The following ASPHD1 variants were observed in gnomAD, a reference collection of about 807,000 sequenced individuals.
ASPHD1 encodes aspartate beta-hydroxylase domain containing 1, also known as aspartate beta-hydroxylase domain-containing protein 1.
In ASPHD1, 20 loss-of-function variants were observed where a neutral mutation model predicts 28.3. The ratio of observed to expected loss-of-function variants is 0.71; its 90% CI spans 0.50 to 1.03. ASPHD1 has a LOEUF of 1.03. Among genes scored for constraint, ASPHD1 ranks in the 50% least tolerant of loss-of-function variants. The pLI is 0.00. For synonymous variants in ASPHD1, 240 were observed against 221.2 expected (o/e 1.08, Z -0.75); for missense variants, 479 against 524.1 (o/e 0.91, Z 0.84).
downstream of ASPHD1, among the ~76,000 whole-genome samples, chr16:29,909,444 G>C (rs1419227675): frequency 6.6e-6 from 1 of 152,196 alleles, no homozygotes; most frequent in East Asian, 1.9e-4. Flanking sequence ...GTGTACCTGA[G>C]GCATGTGGCT....
intron 2 of ASPHD1, 91 bp from the exon 3 acceptor site, chr16:29,905,697 T>C: frequency 1.3e-6 from 1 of 764,208 alleles, no homozygotes; most frequent in East Asian, 2.7e-5. Context: ...TGCCACTTAT[T>C]TACTGTTTGC....
At chr16:29,912,086 A>G in intron 3 of ASPHD1, 1 of 1,406,992 alleles carries the variant, frequency 7.1e-7, no homozygotes, top group Non-Finnish European at 9.9e-7. Flanking sequence ...CAGCACAACC[A>G]AAGGCCACGT....
Position 29,901,760 on chromosome 16 carries a change from C to T in ASPHD1, c.789C>T (p.Ser263=). Residue 263 remains serine (S), a synonymous_variant, in exon 1 of 3, where the codon AGC becomes AGT. Transcript: ENST00000308748. The surrounding 1 kb of genome is among the most constrained non-coding windows in gnomAD (Gnocchi z 5.1). ...LLYQAGRCQP[S]NCRRCPGAYR... ...ACCAAGCAGGCCGGTGCCAACCCAGCAACTGCCGCCGGTGCCCGGGGGCCT... is the reference window on the plus strand; with the variant it reads ...ACCAAGCAGGCCGGTGCCAACCCAGTAACTGCCGCCGGTGCCCGGGGGCCT... 6.5e-7 allele frequency: 1 copy of T among 1,550,074 alleles called. No individual in the cohort carries two copies. The highest frequency in any genetic ancestry group is 8.7e-7 in the Non-Finnish European group (1 of 1,148,048).
intron 3 of ASPHD1, among the ~76,000 whole-genome samples, chr16:29,915,947 T>A (rs575589213): frequency 6.6e-6 from 1 of 152,330 alleles, no homozygotes; most frequent in East Asian, 1.9e-4. Flanking sequence ...AATTTCAGGC[T>A]CTTTTTCATT....
chr16:29,911,441 A>G (rs1022926084), intron 3 of ASPHD1: 3 of 557,230 alleles, frequency 5.4e-6, no homozygotes, highest in South Asian at 2.4e-5. Context: ...TGGTGTCCCC[A>G]TTTTTTAACT....
downstream of ASPHD1, among the ~76,000 whole-genome samples, chr16:29,907,850 G>A (rs545396227): frequency 1.3e-5 from 2 of 151,576 alleles, no homozygotes; most frequent in South Asian, 4.2e-4. Flanking sequence ...TTTAGGAAAC[G>A]ATATAAGCTG....
rs1368286672 is a variant in ASPHD1, at chr16:29,900,964, G to A, written c.-8G>A. On this transcript the variant is annotated 5_prime_UTR_variant, in exon 1 of 3. Transcript: ENST00000308748. The stretch of plus-strand genomic sequence containing the variant: ...GGGAGAGAAAGGAGAGAGGAGGGTT[G>A]GAGGTGCATGAAGGAGGGGAGAGGG... 6.4e-7 allele frequency: 1 copy of A among 1,551,402 alleles called. No individual in the cohort carries two copies. Among genetic ancestry groups the A allele is most frequent in the African/African-American group, 1.4e-5 (1 of 73,060 alleles).
intron 3 of ASPHD1, chr16:29,913,681 T>G (rs1209940280): frequency 6.6e-6 from 1 of 151,930 alleles, no homozygotes; most frequent in African/African-American, 2.4e-5. Context: ...AGCTTGTTCA[T>G]GTGGCTGGCA....
chr16:29,901,903 G>A lies in ASPHD1; in HGVS notation c.932G>A (p.Arg311Gln), dbSNP rs1301738979. The A allele has an allele frequency of 6.7e-7, 1 of 1,500,536 alleles. No individual in the cohort carries two copies. Among genetic ancestry groups the A allele is most frequent in the Non-Finnish European group, 8.9e-7 (1 of 1,128,328 alleles). 93.0% of individuals were successfully genotyped at this position (1,500,536 alleles called of 1,614,324 possible). A position where few individuals can be genotyped will look rare whatever the true frequency, so the allele number is the denominator to read the frequency against. Residue 311 changes from arginine to glutamine, a missense_variant, in exon 1 of 3, where the codon CGG (arginine) becomes CAG (glutamine). Physicochemically the swap from Arg to Gln is conservative, Grantham distance 43 (BLOSUM62 1). Transcript: ENST00000308748. This position sits in a 1 kb window ranked among gnomAD's most constrained non-coding sequence, Gnocchi z 5.1. ...GGCCGCTGTGGGCCCACCAATGCCC[G>A]GGTCAGATGCCATCTGGGTAAGTAG... ...LEGRCGPTNARVRCHLGLKIP... is the reference protein window; with the variant it reads ...LEGRCGPTNAQVRCHLGLKIP...
intron 3 of ASPHD1, chr16:29,911,971 T>C (rs1464351006): frequency 6.2e-7 from 1 of 1,611,530 alleles, no homozygotes; most frequent in Middle Eastern, 1.7e-4. Context: ...TTGGAGGTGC[T>C]GGCCAGGAGC....
intron 3 of ASPHD1, chr16:29,913,349 C>CTAT (rs2068750809): frequency 6.6e-6 from 1 of 152,072 alleles, no homozygotes; most frequent in Admixed American, 6.6e-5. Context: ...GGCACAGAAA[C>CTAT]AAAAATACCT....
intron 2 of ASPHD1, 114 bp downstream of exon 2, chr16:29,905,079 C>T (rs1238456119): frequency 9.7e-6 from 7 of 719,838 alleles, no homozygotes; most frequent in African/African-American, 1.8e-5. Flanking sequence ...CCACCATCTT[C>T]CAGCTGCATG....
At chr16:29,915,988 C>G (rs140252263) in intron 3 of ASPHD1, among the ~76,000 whole-genome samples, 1 of 152,060 alleles carries the variant, frequency 6.6e-6, no homozygotes, top group East Asian at 1.9e-4. Flanking sequence ...CTTACTCTCT[C>G]CTCTTCAGTT....
rs1258564192 is a variant in ASPHD1 at position 29,904,925 on chromosome 16, A to C, written c.1023A>C (p.Leu341=). Residue 341 remains leucine, a synonymous_variant, in exon 2 of 3, where the codon CTA becomes CTC. Coordinates refer to ENST00000308748, the MANE Select transcript of ASPHD1 (RefSeq NM_181718.4). The part of the protein sequence containing the change: ...EPQCWAEGHC[L]LVDDSFLHTV... The stretch of plus-strand genomic sequence containing the variant: ...AGTGCTGGGCTGAGGGGCACTGTCT[A>C]CTGGTGGACGACTCTTTTCTACACA... 4 of 1,613,410 alleles carry C rather than the reference A, an allele frequency of 2.5e-6. No individual in the cohort carries two copies. The Admixed American group carries it at 6.7e-5, about 27-fold the overall frequency.
intron 3 of ASPHD1, chr16:29,911,312 CT>C: frequency 1.5e-6 from 1 of 683,506 alleles, no homozygotes; most frequent in Non-Finnish European, 2.5e-6. Context: ...TCCTCCACCC[CT>C]GGGGCCAGGC....
At chr16:29,903,202 G>T (rs896840277) in intron 1 of ASPHD1, among the ~76,000 whole-genome samples, 1 of 151,492 alleles carries the variant, frequency 6.6e-6, no homozygotes, top group African/African-American at 2.4e-5. Flanking sequence ...TAAAATTACA[G>T]AAAATTAGCT....
downstream of ASPHD1, among the ~76,000 whole-genome samples, chr16:29,908,954 A>G (rs1021343165): frequency 1.3e-4 from 20 of 151,806 alleles, no homozygotes; most frequent in Non-Finnish European, 2.6e-4. Flanking sequence ...CAGCCTCCTA[A>G]AGTATTGGGA....
intron 3 of ASPHD1, among the ~76,000 whole-genome samples, chr16:29,919,347 G>T (rs2068867716): frequency 6.6e-6 from 1 of 152,120 alleles, no homozygotes. Context: ...TTTGGCTTAT[G>T]TAATAAAGTA....
chr16:29,917,682 G>C (rs1366257711), intron 3 of ASPHD1, among the ~76,000 whole-genome samples: 1 of 152,138 alleles, frequency 6.6e-6, no homozygotes, highest in African/African-American at 2.4e-5. Flanking sequence ...AGGAGGTTAG[G>C]GCAGGAGAAT....
Sources: allele counts gnomAD v4.1 joint callset (sites outside exome capture counted in the v4.1 genomes callset), GRCh38; gene constraint gnomAD v4.1.1; non-coding constraint Gnocchi (gnomAD v3.1); transcripts MANE v1.5; gene names NCBI Gene and HGNC (gene_info 2026-07-23, HGNC 2026-07-21).